Variants in STK3 observed in about 807,000 individuals in gnomAD.
STK3 encodes the protein serine/threonine-protein kinase 3.
Under a neutral mutation model 58.0 loss-of-function variants are expected in STK3, and 41 were observed. The observed-to-expected ratio is 0.71, with a 90% confidence interval of 0.55 to 0.92. The LOEUF is 0.92. STK3 is among the 40% of genes least tolerant of loss of function. The pLI, the probability that STK3 is intolerant of heterozygous loss-of-function variation, is 0.00. For missense variants in STK3, 479 were observed against 602.7 expected (o/e 0.79, Z 2.15); for synonymous variants, 170 against 191.0 (o/e 0.89, Z 0.91).
upstream of STK3, among the ~76,000 whole-genome samples, chr8:98,827,464 A>G (rs1448976101): frequency 2.0e-5 from 3 of 152,218 alleles, no homozygotes; most frequent in Admixed American, 2.0e-4. Context: ...GAATAATGTG[A>G]ATATTTGCCC....
intron 10 of STK3, among the ~76,000 whole-genome samples, chr8:98,494,696 T>C (rs1156303214): frequency 7.0e-6 from 1 of 143,448 alleles, no homozygotes; most frequent in East Asian, 2.0e-4. Context: ...AGAGAGATTA[T>C]GAAAACATTT....
chr8:98,441,549 C>G (rs1818696853), intron 1 of STK3, among the ~76,000 whole-genome samples: 1 of 152,210 alleles, frequency 6.6e-6, no homozygotes, highest in Admixed American at 6.5e-5. Flanking sequence ...CCAAACCCAA[C>G]AGCCATCACC....
intron 4 of STK3, among the ~76,000 whole-genome samples, chr8:98,738,909 C>G (rs1047141442): frequency 1.3e-5 from 2 of 152,208 alleles, no homozygotes; most frequent in Admixed American, 6.5e-5. Context: ...TTTTCCGACG[C>G]GCTTAAAAAA....
intron 3 of STK3, among the ~76,000 whole-genome samples, chr8:98,834,406 T>C (rs914800447): frequency 6.6e-6 from 1 of 152,212 alleles, no homozygotes; most frequent in Non-Finnish European, 1.5e-5. Context: ...CAGAACAAAA[T>C]TGGAATCCGA....
Position 98,795,947 on chromosome 8 carries a change from CACAA to C in STK3, c.27-21132_27-21129del, listed in dbSNP as rs367877334. On this transcript the variant is annotated intron_variant, in intron 1 of 10. Coordinates refer to ENST00000419617, the MANE Select transcript of STK3 (RefSeq NM_006281.4). ...CACTGCTGAAAGAAATCAGAGATGA[CACAA>C]ACAAATGGAAAAACATTTCATGTTC... is the stretch of plus-strand genomic sequence containing the variant. Among the ~76,000 whole-genome samples the C allele has an allele frequency of 4.1e-4, 62 of 151,966 alleles. 1 individual carries two copies. In the East Asian group the frequency reaches 0.011, roughly 27 times the overall value.
intron 4 of STK3, among the ~76,000 whole-genome samples, chr8:98,733,691 C>G (rs765117947): frequency 7.2e-5 from 11 of 152,070 alleles, no homozygotes; most frequent in Non-Finnish European, 1.2e-4. Flanking sequence ...AACTCTAACT[C>G]TTTGCAAAAC....
chr8:98,605,491 C>A (rs1816705039), intron 6 of STK3, among the ~76,000 whole-genome samples: 1 of 147,010 alleles, frequency 6.8e-6, no homozygotes, highest in Non-Finnish European at 1.5e-5. Context: ...AGCTGGAGTG[C>A]AGCGGCATGA....
chr8:98,644,313 A>T (rs1023238050), intron 6 of STK3, among the ~76,000 whole-genome samples: 1 of 152,198 alleles, frequency 6.6e-6, no homozygotes, highest in Non-Finnish European at 1.5e-5. Flanking sequence ...GTATAGACAC[A>T]TCTTTTAGCT....
chr8:98,833,041 C>G (rs1451618875), intron 3 of STK3, among the ~76,000 whole-genome samples: 1 of 152,116 alleles, frequency 6.6e-6, no homozygotes. Context: ...TTATTCTGAG[C>G]CAAATGTAAG....
At chr8:98,653,867 G>A (rs1420501986) in intron 6 of STK3, among the ~76,000 whole-genome samples, 5 of 152,090 alleles carry the variant, frequency 3.3e-5, no homozygotes, top group African/African-American at 1.2e-4. Flanking sequence ...AAAAACTCCA[G>A]GACCAGAAGG....
chr8:98,795,204 A>G (rs1405391052), intron 1 of STK3, among the ~76,000 whole-genome samples: 2 of 148,238 alleles, frequency 1.3e-5, no homozygotes, highest in Non-Finnish European at 3.0e-5. Flanking sequence ...CATTCCTGGG[A>G]TGCAAGGTTG....
chr8:98,618,828 T>TGGAAGAACATTCCATGCTCATGGGTA (rs1383348613), intron 6 of STK3, among the ~76,000 whole-genome samples: 49 of 149,870 alleles, frequency 3.3e-4, no homozygotes, highest in African/African-American at 1.0e-3. Flanking sequence ...TACAAACAAA[T>TGGAAGAACATTCCATGCTCATGGGTA]GGAAGAACAT....
At chr8:98,413,170 C>A (rs566627020) in intron 3 of STK3, 14 of 294,028 alleles carry the variant, frequency 4.8e-5, no homozygotes, top group Non-Finnish European at 8.6e-5. Context: ...TGTGCCACCA[C>A]GCCCGGTTAT....
chr8:98,428,297 G>A lies in STK3; in HGVS notation n.483+5830C>T. The A allele has an allele frequency of 6.2e-7, 1 of 1,614,186 alleles. No individual in the cohort carries two copies. Among genetic ancestry groups the A allele is most frequent in the Non-Finnish European group, 8.5e-7 (1 of 1,180,044 alleles). On this transcript the variant is annotated intron_variant and non_coding_transcript_variant, in intron 3 of 3. Coordinates refer to the STK3 transcript ENST00000517832. The surrounding 1 kb of genome is among the most constrained non-coding windows in gnomAD (Gnocchi z 6.7). ...TCTTCTCCTTCAGCCAGGAGATCGA[G>A]TACTGGGGCATCAACGAGTTCTTCA...
chr8:98,803,171 A>G (rs1833674404), intron 1 of STK3, among the ~76,000 whole-genome samples: 1 of 152,240 alleles, frequency 6.6e-6, no homozygotes, highest in South Asian at 2.1e-4. Context: ...ACATAACAAA[A>G]TTAAAATTTA....
At chr8:98,918,032 TG>T (rs1326299458) in intron 1 of STK3, among the ~76,000 whole-genome samples, 1 of 152,220 alleles carries the variant, frequency 6.6e-6, no homozygotes, top group Non-Finnish European at 1.5e-5. Context: ...CTAAAGACCT[TG>T]TATGTATTAT....
At chr8:98,733,972 T>A (rs1234236046) in intron 4 of STK3, among the ~76,000 whole-genome samples, 1 of 152,136 alleles carries the variant, frequency 6.6e-6, no homozygotes, top group African/African-American at 2.4e-5. Context: ...GAGGCATGGC[T>A]GGGGAGGCCA....
intron 1 of STK3, among the ~76,000 whole-genome samples, chr8:98,798,956 G>A (rs1269647553): frequency 1.3e-5 from 2 of 152,216 alleles, no homozygotes; most frequent in Non-Finnish European, 2.9e-5. Flanking sequence ...ATAGCAACAA[G>A]ACACTATCTT....
chr8:98,616,744 T>C (rs1409306247), intron 6 of STK3, among the ~76,000 whole-genome samples: 5 of 151,696 alleles, frequency 3.3e-5, no homozygotes, highest in Non-Finnish European at 5.9e-5. Flanking sequence ...AAGGGATCAA[T>C]TCAACAAGAA....
Sources: gnomAD v4.1 joint callset for allele counts (sites outside exome capture counted in the v4.1 genomes callset) on GRCh38, gnomAD v4.1.1 for gene constraint, Gnocchi (gnomAD v3.1) non-coding constraint, MANE v1.5 for transcripts, NCBI Gene and HGNC (gene_info 2026-07-23, HGNC 2026-07-21) for gene names.